The following URI1 variants were observed in gnomAD, a reference collection of about 807,000 sequenced individuals.
URI1 encodes unconventional prefoldin RPB5 interactor 1.
URI1 carries 39 observed loss-of-function variants against 60.2 expected under a neutral mutation model. The ratio of observed to expected loss-of-function variants is 0.65; its 90% CI spans 0.50 to 0.85. URI1 has a LOEUF of 0.85. Ranked by LOEUF, URI1 falls within the 40% of genes least tolerant of loss-of-function variation. The pLI is 0.00. For missense variants in URI1, 691 were observed against 665.9 expected, an observed-to-expected ratio of 1.04 and a Z score of -0.42; for synonymous variants, 251 against 236.8, an observed-to-expected ratio of 1.06 and a Z score of -0.55.
intron 6 of URI1, 73 bp downstream of exon 6, chr19:30,005,781 G>T (rs952500831): frequency 7.2e-7 from 1 of 1,394,776 alleles, no homozygotes; most frequent in African/African-American, 1.5e-5. Context: ...TGGGCTTTCT[G>T]TGAGATATTT....
At position 29,956,686 on chromosome 19, in the gene URI1, A is replaced by T; in HGVS notation, c.117+14022A>T. On this transcript the variant is annotated intron_variant, in intron 1 of 10. Coordinates refer to ENST00000392271, the MANE Select transcript of URI1 (RefSeq NM_003796.3). Reference sequence around the variant, plus strand: ...AGACCCATTCTGGATAACGACGTTGATGGGGGAAGTGAGCATACACAGACC... The same window carrying T: ...AGACCCATTCTGGATAACGACGTTGTTGGGGGAAGTGAGCATACACAGACC... 1.9e-6 allele frequency: 3 copies of T among 1,550,430 alleles called. No homozygotes were observed. In the South Asian group the frequency reaches 3.3e-5, roughly 17 times the overall value.
intron 1 of URI1, among the ~76,000 whole-genome samples, chr19:29,934,494 C>T (rs2054951157): frequency 1.3e-5 from 2 of 152,152 alleles, no homozygotes; most frequent in Non-Finnish European, 2.9e-5. Flanking sequence ...ACTACAATCC[C>T]ACGTGGTTTT....
At chr19:29,990,403 A>G (rs555039023) in intron 4 of URI1, among the ~76,000 whole-genome samples, 1 of 152,336 alleles carries the variant, frequency 6.6e-6, no homozygotes, top group East Asian at 1.9e-4. Context: ...ATAGTATTCT[A>G]CCCAAGGGAA....
intron 1 of URI1, among the ~76,000 whole-genome samples, chr19:29,951,438 C>T (rs1809160734): frequency 6.6e-6 from 1 of 152,018 alleles, no homozygotes; most frequent in Admixed American, 6.6e-5. Flanking sequence ...ACAATAAACT[C>T]ATTTTTTTGT....
intron 8 of URI1, 129 bp from the exon 9 acceptor site, chr19:30,010,965 C>A: frequency 1.0e-6 from 1 of 981,600 alleles, no homozygotes; most frequent in Non-Finnish European, 1.5e-6. Context: ...TAATGCACAT[C>A]ATTTCAGCAT....
chr19:29,970,088 A>G (rs1017338647), intron 1 of URI1, among the ~76,000 whole-genome samples: 17 of 151,212 alleles, frequency 1.1e-4, no homozygotes, highest in Non-Finnish European at 1.9e-4. Flanking sequence ...AAATGTTACA[A>G]TAGAGGAATT....
At chr19:30,010,092 C>CT (rs2065553523) in intron 8 of URI1, among the ~76,000 whole-genome samples, 1 of 152,132 alleles carries the variant, frequency 6.6e-6, no homozygotes, top group African/African-American at 2.4e-5. Context: ...GGGAATTCGT[C>CT]TAATTCGTCT....
intron 3 of URI1, 94 bp downstream of exon 3, chr19:29,985,395 GT>G: frequency 9.9e-7 from 1 of 1,007,358 alleles, no homozygotes; most frequent in Non-Finnish European, 1.5e-6. Context: ...GATGGACTGT[GT>G]CCAAGGTAAC....
At chr19:30,009,813 C>A (rs1313119200) in intron 8 of URI1, among the ~76,000 whole-genome samples, 1 of 152,114 alleles carries the variant, frequency 6.6e-6, no homozygotes, top group Non-Finnish European at 1.5e-5. Context: ...AAATTAGTTT[C>A]TTTTCTGACA....
chr19:29,939,226 C>G (rs550120719), upstream of URI1, among the ~76,000 whole-genome samples: 1 of 151,962 alleles, frequency 6.6e-6, no homozygotes, highest in Non-Finnish European at 1.5e-5. Flanking sequence ...ATTTGCCTGC[C>G]TTGGCCTCCC....
At chr19:29,991,169 C>T (rs370312623) in intron 4 of URI1, among the ~76,000 whole-genome samples, 7 of 152,166 alleles carry the variant, frequency 4.6e-5, no homozygotes, top group African/African-American at 1.4e-4. Context: ...TGATTGGAAT[C>T]GCACTAAATC....
chr19:29,993,906 A>AT (rs1460021348), intron 4 of URI1, among the ~76,000 whole-genome samples: 2 of 151,904 alleles, frequency 1.3e-5, no homozygotes, highest in Non-Finnish European at 1.5e-5. Context: ...GCACACTTTT[A>AT]TTTTTTTGTT....
rs749713402 is a variant in URI1, at chr19:30,006,082, G to T, written c.517+374G>T. Among the ~76,000 whole-genome samples the T allele has an allele frequency of 5.3e-5, 8 of 152,042 alleles. No homozygotes were observed. In the East Asian group the frequency reaches 1.5e-3, roughly 29 times the overall value. ...TGCTAGTTTTTCTTCTTTTAAAACTGCAGCTTTGTAAGCTGTTTTTGGAAG... is the reference window on the plus strand; with the variant it reads ...TGCTAGTTTTTCTTCTTTTAAAACTTCAGCTTTGTAAGCTGTTTTTGGAAG... On this transcript the variant is annotated intron_variant, in intron 6 of 10. Coordinates refer to ENST00000392271, the MANE Select transcript of URI1 (RefSeq NM_003796.3).
intron 1 of URI1, among the ~76,000 whole-genome samples, chr19:29,927,400 A>C (rs909957238): frequency 6.6e-6 from 1 of 150,604 alleles, no homozygotes; most frequent in Non-Finnish European, 1.5e-5. Flanking sequence ...AGTAGCTGGG[A>C]TTACAGGCAC....
intron 1 of URI1, among the ~76,000 whole-genome samples, chr19:29,944,870 G>A (rs558875486): frequency 6.6e-6 from 1 of 152,320 alleles, no homozygotes; most frequent in Non-Finnish European, 1.5e-5. Context: ...TTATAGTGTA[G>A]TACAGGAAAA....
chr19:29,945,335 T>C (rs1420951154), intron 1 of URI1, among the ~76,000 whole-genome samples: 2 of 152,212 alleles, frequency 1.3e-5, no homozygotes, highest in Non-Finnish European at 2.9e-5. Context: ...CTTTCTTTTT[T>C]TCCAAATTCA....
In URI1 at chr19:30,012,487, C is replaced by G. The variant is rs2056035065; in HGVS notation, c.1381C>G (p.Gln461Glu). ...TSESILEEEP[Q>E]ENQKKLLPLS... ...TGAGAGCATTTTGGAAGAGGAACCA[C>G]AAGAAAATCAAAAGAAACTTTTGCC... Residue 461 changes from glutamine (Q) to glutamate (E), a missense_variant, in exon 10 of 11, where the codon CAA becomes GAA. Transcript: ENST00000392271. 2.5e-6 allele frequency: 4 copies of G among 1,614,136 alleles called. No individual in the cohort carries two copies. The highest frequency in any genetic ancestry group is 3.4e-6 in the Non-Finnish European group (4 of 1,179,998).
At chr19:29,994,036 A>G (rs564771820) in intron 4 of URI1, among the ~76,000 whole-genome samples, 16 of 151,792 alleles carry the variant, frequency 1.1e-4, no homozygotes, top group Non-Finnish European at 1.3e-4. Context: ...GTTAAAATCA[A>G]TGCTGCAGTG....
At chr19:29,950,653 CAAG>C (rs1218025447) in intron 1 of URI1, among the ~76,000 whole-genome samples, 1 of 152,146 alleles carries the variant, frequency 6.6e-6, no homozygotes, top group Non-Finnish European at 1.5e-5. Flanking sequence ...CATTTTACAT[CAAG>C]GTCATTCTTC....
Sources: allele counts gnomAD v4.1 joint callset (sites outside exome capture counted in the v4.1 genomes callset), GRCh38; gene constraint gnomAD v4.1.1; transcripts MANE v1.5; gene names NCBI Gene and HGNC (gene_info 2026-07-23, HGNC 2026-07-21).